Variants in ATP2B2 observed in about 807,000 individuals in gnomAD.
ATP2B2 encodes the protein ATPase plasma membrane Ca2+ transporting 2.
ATP2B2 carries 15 observed loss-of-function variants against 120.0 expected under a neutral mutation model. The ratio of observed to expected loss-of-function variants is 0.12; its 90% confidence interval spans 0.08 to 0.19. The LOEUF (loss-of-function observed/expected upper bound fraction) is 0.19. ATP2B2 is among the 10% of genes least tolerant of loss of function. ATP2B2 has a pLI of 1.00. For missense variants in ATP2B2, 1,045 were observed against 1,719.8 expected, an observed-to-expected ratio of 0.61 and a Z score of 6.94; for synonymous variants, 694 against 700.3, an observed-to-expected ratio of 0.99 and a Z score of 0.14.
At chr3:10,444,700 G>A (rs930252131) in intron 2 of ATP2B2, among the ~76,000 whole-genome samples, 1 of 152,206 alleles carries the variant, frequency 6.6e-6, no homozygotes, top group Non-Finnish European at 1.5e-5. Flanking sequence ...CCCGAGGTGG[G>A]TGCAGGTGTC....
At chr3:10,414,928 C>T (rs139182230) in intron 2 of ATP2B2, among the ~76,000 whole-genome samples, 70 of 152,286 alleles carry the variant, frequency 4.6e-4, no homozygotes, top group African/African-American at 1.3e-3. Context: ...GTTTCCACTA[C>T]GAGCATCCCA....
intron 1 of ATP2B2, among the ~76,000 whole-genome samples, chr3:10,471,364 CTGTGTGTGTGTGTGTG>C (rs58583936): frequency 8.6e-5 from 13 of 150,466 alleles, no homozygotes; most frequent in South Asian, 2.1e-4. Context: ...TTCAGGAAAC[CTGTGTGTGTGTGTGTG>C]TGTGTGTGTG....
intron 2 of ATP2B2, among the ~76,000 whole-genome samples, chr3:10,618,924 A>ACAAG (rs2069469796): frequency 6.6e-6 from 1 of 152,306 alleles, no homozygotes; most frequent in African/African-American, 2.4e-5. Flanking sequence ...CCAAGGAGTG[A>ACAAG]CAAGCATGGT....
At chr3:10,496,943 C>T (rs946507435) in intron 1 of ATP2B2, among the ~76,000 whole-genome samples, 19 of 152,220 alleles carry the variant, frequency 1.2e-4, no homozygotes, top group African/African-American at 2.2e-4. Flanking sequence ...GGGCCAGCCA[C>T]GGCTTTTGCT....
intron 2 of ATP2B2, among the ~76,000 whole-genome samples, chr3:10,561,765 G>T (rs1286550658): frequency 6.6e-6 from 1 of 152,176 alleles, no homozygotes; most frequent in Non-Finnish European, 1.5e-5. Flanking sequence ...CACCATGTGA[G>T]ACGTGCCTTT....
At chr3:10,490,812 G>T (rs1052007888) in intron 1 of ATP2B2, among the ~76,000 whole-genome samples, 1 of 152,182 alleles carries the variant, frequency 6.6e-6, no homozygotes, top group African/African-American at 2.4e-5. Context: ...GGAGCCAGGG[G>T]GACTGGAAGA....
intron 2 of ATP2B2, among the ~76,000 whole-genome samples, chr3:10,600,764 G>A (rs935259625): frequency 6.6e-6 from 1 of 152,208 alleles, no homozygotes; most frequent in African/African-American, 2.4e-5. Context: ...GGCACCTGGG[G>A]ATCACTCACC....
intron 1 of ATP2B2, among the ~76,000 whole-genome samples, chr3:10,673,399 CAGAGAG>C (rs142070938): frequency 1.4e-5 from 2 of 139,814 alleles, no homozygotes; most frequent in East Asian, 2.0e-4. Flanking sequence ...AAGGAAGAGA[CAGAGAG>C]AGAGAGAGAG....
chr3:10,455,158 G>C (rs2064205932), intron 1 of ATP2B2, among the ~76,000 whole-genome samples: 1 of 152,106 alleles, frequency 6.6e-6, no homozygotes, highest in Non-Finnish European at 1.5e-5. Flanking sequence ...CTGTAAGATG[G>C]GCTAGTGATT....
At chr3:10,512,297 C>G (rs2066776819) in intron 3 of ATP2B2, among the ~76,000 whole-genome samples, 1 of 152,048 alleles carries the variant, frequency 6.6e-6, no homozygotes, top group African/African-American at 2.4e-5. Context: ...GGCCTAACTG[C>G]TGACTCACTG....
intron 2 of ATP2B2, among the ~76,000 whole-genome samples, chr3:10,604,829 C>A (rs972070524): frequency 6.6e-6 from 1 of 152,150 alleles, no homozygotes; most frequent in Non-Finnish European, 1.5e-5. Context: ...TGTCTTCTAC[C>A]CAGCCTACTT....
intron 1 of ATP2B2, among the ~76,000 whole-genome samples, chr3:10,464,172 C>T (rs2064628263): frequency 6.6e-6 from 1 of 152,212 alleles, no homozygotes; most frequent in Admixed American, 6.5e-5. Flanking sequence ...CAGAATCCAC[C>T]CGGCACCTTG....
chr3:10,444,788 G>T (rs903080141), intron 2 of ATP2B2, among the ~76,000 whole-genome samples: 7 of 152,234 alleles, frequency 4.6e-5, no homozygotes, highest in Non-Finnish European at 7.3e-5. Flanking sequence ...GGAGCCATCT[G>T]CTCCATGGGT....
intron 6 of ATP2B2, among the ~76,000 whole-genome samples, chr3:10,387,543 G>C (rs953827105): frequency 3.3e-5 from 5 of 152,244 alleles, no homozygotes; most frequent in African/African-American, 1.2e-4. Flanking sequence ...TGTGGGGACA[G>C]GTAAGGAGTC....
intron 2 of ATP2B2, among the ~76,000 whole-genome samples, chr3:10,576,784 G>C (rs2068258011): frequency 6.6e-6 from 1 of 152,078 alleles, no homozygotes; most frequent in Admixed American, 6.5e-5. Context: ...AGAAGCTGGG[G>C]CCGGGCGCGG....
chr3:10,345,657 C>T, intron 17 of ATP2B2, 82 bp from the exon 18 acceptor site: 1 of 1,352,192 alleles, frequency 7.4e-7, no homozygotes, highest in Non-Finnish European at 1.0e-6. Flanking sequence ...ACTCCCTCCA[C>T]TTCCTCAGTC....
In ATP2B2 at chr3:10,358,891, G is replaced by A. The variant is rs74592691; in HGVS notation, c.1936C>T (p.Arg646Cys). ...TCCCGGTCGCGGGGCCGGAAGACAC[G>A]AGGCTCTCCCGCCCCATTGAGGATT... Reference protein sequence around the residue: ...CKILNGAGEPRVFRPRDRDEM... With the variant: ...CKILNGAGEPCVFRPRDRDEM... The change falls in exon 14 of 23, where the codon CGT becomes TGT. Residue 646 changes from arginine to cysteine, a missense_variant. Transcript: ENST00000360273. The A allele has an allele frequency of 5.6e-6, 9 of 1,613,968 alleles. No homozygotes were observed. The highest frequency in any genetic ancestry group is 2.7e-5 in the African/African-American group (2 of 75,030).
At chr3:10,496,190 T>A (rs957950888) in intron 1 of ATP2B2, among the ~76,000 whole-genome samples, 1 of 152,186 alleles carries the variant, frequency 6.6e-6, no homozygotes, top group Admixed American at 6.5e-5. Flanking sequence ...TGCCTTCAGA[T>A]AGTTGCTAGG....
intron 8 of ATP2B2, among the ~76,000 whole-genome samples, chr3:10,379,766 G>GGA (rs1486256475): frequency 2.0e-5 from 3 of 149,530 alleles, no homozygotes. Flanking sequence ...GGGGAGAGGG[G>GGA]GAGAGAGAGA....
Sources: allele counts gnomAD v4.1 joint callset (sites outside exome capture counted in the v4.1 genomes callset), GRCh38; gene constraint gnomAD v4.1.1; transcripts MANE v1.5; gene names NCBI Gene and HGNC (gene_info 2026-07-23, HGNC 2026-07-21).